The following UGGT1 variants were observed in gnomAD, a reference collection of about 807,000 sequenced individuals.
UGGT1 encodes UDP-glucose:glycoprotein glucosyltransferase 1.
In UGGT1, 107 loss-of-function variants were observed where a neutral mutation model predicts 203.9. The ratio of observed to expected loss-of-function variants is 0.52; its 90% CI spans 0.45 to 0.62. UGGT1 has a LOEUF of 0.62. Among genes scored for constraint, UGGT1 ranks in the 20% least tolerant of loss-of-function variants. The pLI, the probability that UGGT1 is intolerant of heterozygous loss-of-function variation, is 0.00. For synonymous variants in UGGT1, 628 were observed against 653.5 expected, an observed-to-expected ratio of 0.96 and a Z score of 0.59; for missense variants, 1,673 against 1,867.2, an observed-to-expected ratio of 0.90 and a Z score of 1.92.
In UGGT1 at chr2:128,181,047, A is replaced by G; in HGVS notation, c.4058A>G (p.Lys1353Arg). Residue 1353 changes from lysine to arginine, a missense_variant, in exon 36 of 41, where the codon AAG becomes AGG. Transcript: ENST00000259253. ...GTACTTTTCCCACTAGTTGTTGACA[A>G]GTTCCTGTTTGTGGATGCTGATCAG... ...LDVLFPLVVD[K>R]FLFVDADQIV... is the part of the protein sequence containing the mutation. 6.2e-7 allele frequency: 1 copy of G among 1,614,150 alleles called. No homozygotes were observed. Among genetic ancestry groups the G allele is most frequent in the Non-Finnish European group, 8.5e-7 (1 of 1,180,012 alleles).
chr2:128,146,912 ATGTGGTTGG>A (rs1024380996), intron 18 of UGGT1, among the ~76,000 whole-genome samples: 33 of 152,288 alleles, frequency 2.2e-4, no homozygotes, highest in African/African-American at 7.7e-4. Flanking sequence ...CTCTCTAATC[ATGTGGTTGG>A]TCTTTCTAGT....
At chr2:128,104,561 A>G (rs1341014577) in intron 3 of UGGT1, among the ~76,000 whole-genome samples, 1 of 152,232 alleles carries the variant, frequency 6.6e-6, no homozygotes, top group Non-Finnish European at 1.5e-5. Context: ...TAGGGTGTAA[A>G]CATTAATAGT....
At chr2:128,102,785 G>A (rs1402372443) in intron 2 of UGGT1, among the ~76,000 whole-genome samples, 1 of 152,148 alleles carries the variant, frequency 6.6e-6, no homozygotes, top group Non-Finnish European at 1.5e-5. Context: ...TGGTGAGTGT[G>A]TCACCTTGCC....
intron 22 of UGGT1, among the ~76,000 whole-genome samples, chr2:128,158,696 A>G (rs1208758871): frequency 6.6e-6 from 1 of 152,210 alleles, no homozygotes; most frequent in African/African-American, 2.4e-5. Context: ...ACACCCAAAT[A>G]TAAATGTCTG....
At chr2:128,186,452 C>G (rs1304483910) in intron 38 of UGGT1, among the ~76,000 whole-genome samples, 1 of 152,084 alleles carries the variant, frequency 6.6e-6, no homozygotes, top group South Asian at 2.1e-4. Flanking sequence ...AGTAAAAATA[C>G]AAAAATTGGC....
chr2:128,120,385 TG>T lies in UGGT1; in HGVS notation c.903del (p.Glu303AsnfsTer7). ...CTGCACCCCGACCTGGAGGGACAGT[TG>T]AAAGAACTCAGAAAGCATCTTGTAG... Reference protein sequence around the residue: ...RDLHPDLEGQLKELRKHLVES... With the variant: ...RDLHPDLEGQXKELRKHLVES... On this transcript the variant is annotated frameshift_variant, in exon 9 of 41. Transcript: ENST00000259253. LOFTEE classifies it high-confidence loss of function. 2.5e-6 allele frequency: 4 copies of T among 1,614,034 alleles called. No homozygotes were observed. The highest frequency in any genetic ancestry group is 3.4e-6 in the Non-Finnish European group (4 of 1,179,986).
chr2:128,118,743 G>C (rs921665443), intron 8 of UGGT1, among the ~76,000 whole-genome samples: 1 of 151,950 alleles, frequency 6.6e-6, no homozygotes, highest in African/African-American at 2.4e-5. Flanking sequence ...GTTTGAGACA[G>C]GCTCAGTCTG....
chr2:128,104,142 T>C (rs1687502113), intron 3 of UGGT1, 128 bp downstream of exon 3: 2 of 652,600 alleles, frequency 3.1e-6, no homozygotes, highest in African/African-American at 3.8e-5. Context: ...ACTGGAGTTA[T>C]GATGGTGGTC....
chr2:128,107,844 A>C, intron 3 of UGGT1, 94 bp from the exon 4 acceptor site: 1 of 1,553,636 alleles, frequency 6.4e-7, no homozygotes. Context: ...GCCTTCACAT[A>C]CCTTTGTAAA....
chr2:128,119,942 T>G (rs1688299479), intron 8 of UGGT1, among the ~76,000 whole-genome samples: 1 of 151,848 alleles, frequency 6.6e-6, no homozygotes, highest in Admixed American at 6.6e-5. Context: ...TTTCTTTCTT[T>G]TTTTCTTTTT....
At chr2:128,108,548 C>T (rs1374072317) in intron 4 of UGGT1, among the ~76,000 whole-genome samples, 4 of 138,602 alleles carry the variant, frequency 2.9e-5, no homozygotes. Flanking sequence ...ACAGAGGAAC[C>T]TCAAGTTAAG....
intron 1 of UGGT1, 96 bp downstream of exon 1, chr2:128,091,511 A>G (rs1465738327): frequency 2.7e-6 from 4 of 1,496,622 alleles, no homozygotes. Flanking sequence ...TTCCGCCTCT[A>G]CCGTGACTCA....
At position 128,128,096 on chromosome 2, in the gene UGGT1, A is replaced by AG. The variant is rs540714468; in HGVS notation, c.1226+644_1226+645insG. Among the ~76,000 whole-genome samples, 325 of 152,084 alleles carry AG rather than the reference A, an allele frequency of 2.1e-3. 3 individuals carry two copies. The highest frequency in any genetic ancestry group is 7.3e-3 in the African/African-American group (301 of 41,514). Reference sequence around the variant, plus strand: ...CTCAAAAAACAAAAAACAAAAAAAAACTGTCTCTTGTGTCTCAGAAGGTGT... The same window carrying AG: ...CTCAAAAAACAAAAAACAAAAAAAAAGCTGTCTCTTGTGTCTCAGAAGGTGT... On this transcript the variant is annotated intron_variant, in intron 12 of 40. Coordinates refer to ENST00000259253, the MANE Select transcript of UGGT1 (RefSeq NM_020120.4).
At chr2:128,106,042 C>T (rs1213985355) in intron 3 of UGGT1, among the ~76,000 whole-genome samples, 1 of 152,028 alleles carries the variant, frequency 6.6e-6, no homozygotes, top group Non-Finnish European at 1.5e-5. Flanking sequence ...ACATCCCTGC[C>T]CTGCCTCTCG....
rs181300233 is a variant in UGGT1 at position 128,191,257 on chromosome 2, T to G, written c.*1515T>G. On this transcript the variant is annotated 3_prime_UTR_variant, in exon 41 of 41. Transcript: ENST00000259253. ...TGCAGACTTTTAAGAAATCTTAGTC[T>G]TATCACAAATATCAAGTAATTTATT... 3 of 152,260 alleles carry G rather than the reference T, an allele frequency of 2.0e-5. No individual in the cohort carries two copies. In the South Asian group the frequency reaches 6.2e-4, roughly 31 times the overall value. The allele number at this position is 152,260 out of a possible 1,614,324, so 9.4% of individuals were successfully genotyped here.
At chr2:128,113,514 A>G (rs1687960274) in intron 6 of UGGT1, among the ~76,000 whole-genome samples, 1 of 152,220 alleles carries the variant, frequency 6.6e-6, no homozygotes, top group African/African-American at 2.4e-5. Context: ...CATGTAAATA[A>G]TCTTTTCTGA....
chr2:128,182,374 A>G (rs1691737988), intron 37 of UGGT1, 84 bp downstream of exon 37: 1 of 1,449,088 alleles, frequency 6.9e-7, no homozygotes, highest in African/African-American at 1.4e-5. Flanking sequence ...AATAGGTAAT[A>G]CATTGGTATG....
intron 33 of UGGT1, 39 bp downstream of exon 33, chr2:128,177,959 ACTG>A: frequency 1.3e-6 from 2 of 1,532,288 alleles, no homozygotes; most frequent in Non-Finnish European, 1.8e-6. Context: ...TTAAGGAAAA[ACTG>A]AGATATAAGC....
chr2:128,134,216 A>G (rs1689024428), intron 14 of UGGT1, among the ~76,000 whole-genome samples: 1 of 152,078 alleles, frequency 6.6e-6, no homozygotes, highest in Non-Finnish European at 1.5e-5. Flanking sequence ...TTGTATTTTT[A>G]GTAGAGACGG....
Sources: gnomAD v4.1 joint callset for allele counts (sites outside exome capture counted in the v4.1 genomes callset) on GRCh38, gnomAD v4.1.1 for gene constraint, MANE v1.5 for transcripts, NCBI Gene and HGNC (gene_info 2026-07-23, HGNC 2026-07-21) for gene names.